The following ARID4B variants were observed in gnomAD, a reference collection of about 807,000 sequenced individuals.
ARID4B encodes the protein AT-rich interaction domain 4B.
In ARID4B, 26 loss-of-function variants were observed where a neutral mutation model predicts 147.5. The ratio of observed to expected loss-of-function variants is 0.18; its 90% CI spans 0.13 to 0.24. ARID4B has a LOEUF of 0.24. Ranked by LOEUF, ARID4B falls within the 10% of genes least tolerant of loss-of-function variation. The pLI is 1.00. For synonymous variants in ARID4B, 512 were observed against 507.9 expected (o/e 1.01, Z -0.11); for missense variants, 1,179 against 1,511.5 (o/e 0.78, Z 3.65).
intron 13 of ARID4B, among the ~76,000 whole-genome samples, chr1:235,222,428 C>T (rs565367629): frequency 2.0e-5 from 3 of 152,196 alleles, no homozygotes; most frequent in African/African-American, 7.2e-5. Context: ...ATCACGTCAA[C>T]CTTAAAATAA....
chr1:235,194,250 G>T (rs772479376), intron 18 of ARID4B, 39 bp from the exon 19 acceptor site: 2 of 1,442,824 alleles, frequency 1.4e-6, no homozygotes, highest in Non-Finnish European at 1.9e-6. Context: ...TTTATCATAA[G>T]GCATTTATCA....
intron 2 of ARID4B, among the ~76,000 whole-genome samples, chr1:235,309,066 T>C (rs971898419): frequency 6.8e-6 from 1 of 147,382 alleles, no homozygotes; most frequent in Non-Finnish European, 1.5e-5. Flanking sequence ...ATCTAGGAAG[T>C]GAGGAGCGTC....
chr1:235,241,535 T>A (rs1006916011), intron 7 of ARID4B, among the ~76,000 whole-genome samples: 1 of 152,176 alleles, frequency 6.6e-6, no homozygotes, highest in African/African-American at 2.4e-5. Flanking sequence ...TTTTTTCTTT[T>A]TTGAGGCGGA....
chr1:235,322,678 C>G (rs964681443), intron 2 of ARID4B, among the ~76,000 whole-genome samples: 2 of 152,192 alleles, frequency 1.3e-5, no homozygotes, highest in African/African-American at 4.8e-5. Context: ...TTATCTGCAT[C>G]TTCTGCTACA....
chr1:235,242,522 T>G (rs1165253790), intron 7 of ARID4B, among the ~76,000 whole-genome samples: 1 of 152,206 alleles, frequency 6.6e-6, no homozygotes, highest in Non-Finnish European at 1.5e-5. Flanking sequence ...TTTCTCAAAG[T>G]AGCCACAGAA....
At chr1:235,188,019 AAG>A (rs1664810018) in intron 19 of ARID4B, among the ~76,000 whole-genome samples, 1 of 152,142 alleles carries the variant, frequency 6.6e-6, no homozygotes, top group African/African-American at 2.4e-5. Context: ...AGGGGAAAAA[AAG>A]AGTTTGTAAT....
chr1:235,247,215 A>G (rs1400703871), intron 6 of ARID4B, among the ~76,000 whole-genome samples: 1 of 152,196 alleles, frequency 6.6e-6, no homozygotes, highest in Non-Finnish European at 1.5e-5. Context: ...GAGATTTCCA[A>G]GAAAACTGCC....
At chr1:235,214,495 A>C (rs1293670876) in intron 16 of ARID4B, among the ~76,000 whole-genome samples, 2 of 152,122 alleles carry the variant, frequency 1.3e-5, no homozygotes, top group Non-Finnish European at 2.9e-5. Flanking sequence ...TTGCTCTGTC[A>C]CCCAAGCTGG....
chr1:235,261,731 T>C (rs1032735312), intron 2 of ARID4B, among the ~76,000 whole-genome samples: 1 of 152,236 alleles, frequency 6.6e-6, no homozygotes, highest in Non-Finnish European at 1.5e-5. Flanking sequence ...AGTTGTGATT[T>C]AGTTTTTAAT....
chr1:235,175,608 T>C (rs1451056224), intron 21 of ARID4B: 3 of 540,728 alleles, frequency 5.5e-6, no homozygotes, highest in Non-Finnish European at 9.8e-6. Flanking sequence ...ATAATATGTA[T>C]ACTTTTAAAA....
intron 17 of ARID4B, among the ~76,000 whole-genome samples, chr1:235,202,909 T>C (rs1055841100): frequency 5.3e-5 from 8 of 152,160 alleles, no homozygotes; most frequent in Non-Finnish European, 1.0e-4. Flanking sequence ...ACGTATTCAT[T>C]TGACAAACAC....
intron 2 of ARID4B, among the ~76,000 whole-genome samples, chr1:235,269,644 A>G (rs1461626179): frequency 6.6e-6 from 1 of 152,184 alleles, no homozygotes; most frequent in African/African-American, 2.4e-5. Flanking sequence ...ATGTGTATAT[A>G]TACACACATA....
chr1:235,171,691 G>A (rs1358331937), intron 23 of ARID4B, among the ~76,000 whole-genome samples: 1 of 151,870 alleles, frequency 6.6e-6, no homozygotes, highest in African/African-American at 2.4e-5. Context: ...CCAGGCTGGA[G>A]TGCAATGGCA....
At chr1:235,226,888 C>G (rs1667869081) in intron 11 of ARID4B, among the ~76,000 whole-genome samples, 1 of 152,154 alleles carries the variant, frequency 6.6e-6, no homozygotes. Flanking sequence ...AGACTGGTCT[C>G]AAACTCCTGA....
chr1:235,174,116 T>C lies in ARID4B; in HGVS notation c.3664+1068A>G, dbSNP rs1282540038. ...GTGCAGTGGCGCAACCTCGGCTCAC[T>C]GCAACCTCCACCTGCCAGGTGCAAG... On this transcript the variant is annotated intron_variant, in intron 22 of 23. Transcript: ENST00000264183. 2.0e-5 allele frequency among the ~76,000 whole-genome samples: 3 copies of C among 151,764 alleles called. No homozygotes were observed. The South Asian group carries it at 6.2e-4, about 31-fold the overall frequency.
At chr1:235,234,562 ATCCT>A in intron 8 of ARID4B, 70 bp from the exon 9 acceptor site, 2 of 1,096,876 alleles carry the variant, frequency 1.8e-6, no homozygotes, top group Non-Finnish European at 2.7e-6. Flanking sequence ...CACCATTTAA[ATCCT>A]TTTAAAAAGT....
Position 235,209,117 on chromosome 1 carries a change from C to A in ARID4B, c.1841+4652G>T, listed in dbSNP as rs532408392. The stretch of plus-strand genomic sequence containing the variant: ...GAAAACAAACTTGCCCAAATGTTAA[C>A]CTTTGTATAACAAAAATCAACATTT... On this transcript the variant is annotated intron_variant, in intron 17 of 23. Transcript: ENST00000264183. 3.9e-5 allele frequency among the ~76,000 whole-genome samples: 6 copies of A among 152,260 alleles called. No individual in the cohort carries two copies. In the South Asian group the frequency reaches 1.2e-3, roughly 32 times the overall value.
chr1:235,258,457 A>G (rs1043869369), intron 3 of ARID4B, among the ~76,000 whole-genome samples: 5 of 152,222 alleles, frequency 3.3e-5, no homozygotes, highest in African/African-American at 1.2e-4. Context: ...ACTGTGCTCT[A>G]TATCATTACA....
Position 235,218,652 on chromosome 1 carries a change from G to T in ARID4B, c.1583+1141C>A, listed in dbSNP as rs899781274. 2.6e-5 allele frequency among the ~76,000 whole-genome samples: 4 copies of T among 151,982 alleles called. No homozygotes were observed. In the East Asian group the frequency reaches 7.7e-4, roughly 29 times the overall value. On this transcript the variant is annotated intron_variant, in intron 16 of 23. Coordinates refer to ENST00000264183, the MANE Select transcript of ARID4B (RefSeq NM_016374.6). ...ATTTCAGAACTCTGATCAATCAAAAGATTTTAGGCAAAAAGCTGAAATCTT... is the reference window on the plus strand; with the variant it reads ...ATTTCAGAACTCTGATCAATCAAAATATTTTAGGCAAAAAGCTGAAATCTT...
Sources: gnomAD v4.1 joint callset for allele counts (sites outside exome capture counted in the v4.1 genomes callset) on GRCh38, gnomAD v4.1.1 for gene constraint, MANE v1.5 for transcripts, NCBI Gene and HGNC (gene_info 2026-07-23, HGNC 2026-07-21) for gene names.